Variants in XDH observed in about 807,000 individuals in gnomAD.
XDH encodes xanthine dehydrogenase, also known as xanthine dehydrogenase/oxidase.
Under a neutral mutation model 156.1 loss-of-function variants are expected in XDH, and 138 were observed. The ratio of observed to expected loss-of-function variants is 0.88; its 90% confidence interval spans 0.77 to 1.02. The LOEUF (loss-of-function observed/expected upper bound fraction) is 1.02, where lower values mean the gene tolerates loss of function less well. Among genes scored for constraint, XDH ranks in the 50% least tolerant of loss-of-function variants. XDH has a pLI of 0.00. For missense variants in XDH, 1,849 were observed against 1,684.9 expected (o/e 1.10, Z -1.71); for synonymous variants, 669 against 625.7 (o/e 1.07, Z -1.03).
chr2:31,348,957 CCT>C lies in XDH; in HGVS notation c.2991_2992del (p.Gly998IlefsTer40). 1 of 1,613,486 alleles carries C rather than the reference CCT, an allele frequency of 6.2e-7. No homozygotes were observed. Among genetic ancestry groups the C allele is most frequent in the Non-Finnish European group, 8.5e-7 (1 of 1,179,356 alleles). On this transcript the variant is annotated frameshift_variant, in exon 27 of 36. Transcript: ENST00000379416. LOFTEE classifies it high-confidence loss of function. ...AAACTTGGTGGGAATTATGCACAAT[CCT>C]CTCTTTTTCCAACAATTCTCCCTAG...
intron 16 of XDH, among the ~76,000 whole-genome samples, chr2:31,373,605 T>C (rs1462043419): frequency 6.6e-6 from 1 of 151,708 alleles, no homozygotes; most frequent in African/African-American, 2.4e-5. Context: ...TTGTACATTA[T>C]CCATCACGTA....
Position 31,369,193 on chromosome 2 carries a change from A to C in XDH, c.1981-533T>G, listed in dbSNP as rs564534809. Among the ~76,000 whole-genome samples, 4 of 152,262 alleles carry C rather than the reference A, an allele frequency of 2.6e-5. 1 individual carries two copies. The South Asian group carries it at 8.3e-4, about 32-fold the overall frequency. On this transcript the variant is annotated intron_variant, in intron 18 of 35. Coordinates refer to ENST00000379416, the MANE Select transcript of XDH (RefSeq NM_000379.4). ...AAGGCTGTAAAGGCTGTAAGCATCA[A>C]TATAAGGCCTGTAAGACACGTACTT... is the stretch of plus-strand genomic sequence containing the variant.
In XDH at chr2:31,367,947, T is replaced by C. The variant is rs777782748; in HGVS notation, c.2197+14A>G. 2 of 1,613,972 alleles carry C rather than the reference T, an allele frequency of 1.2e-6. No homozygotes were observed. Among genetic ancestry groups the C allele is most frequent in the South Asian group, 2.2e-5 (2 of 91,090 alleles). ...GGGCCACCCCATTCCCACTGCGGCA[T>C]GGAACAGCTCTACCTGACACAACAT... On this transcript the variant is annotated intron_variant, in intron 20 of 35. Transcript: ENST00000379416.
chr2:31,396,959 C>T (rs945809073), intron 6 of XDH, among the ~76,000 whole-genome samples: 21 of 152,116 alleles, frequency 1.4e-4, no homozygotes, highest in African/African-American at 5.1e-4. Flanking sequence ...TCTGTAACTC[C>T]CCTGGACCCA....
intron 24 of XDH, among the ~76,000 whole-genome samples, chr2:31,360,391 C>T (rs10170372): frequency 0.39 from 58,978 of 151,922 alleles, 13,717 homozygotes; most frequent in Non-Finnish European, 0.51. Context: ...ATCCCAGCTA[C>T]TTGGGAGGCT....
intron 2 of XDH, among the ~76,000 whole-genome samples, chr2:31,403,783 T>C (rs181105839): frequency 3.2e-4 from 48 of 152,278 alleles, no homozygotes; most frequent in Non-Finnish European, 6.8e-4. Flanking sequence ...TCTGCTACTT[T>C]GAGTTTTAAA....
intron 1 of XDH, among the ~76,000 whole-genome samples, chr2:31,409,025 A>G (rs906838061): frequency 6.6e-6 from 1 of 152,238 alleles, no homozygotes; most frequent in African/African-American, 2.4e-5. Flanking sequence ...ACGTTAAGTG[A>G]AATAAGTCAG....
intron 17 of XDH, among the ~76,000 whole-genome samples, chr2:31,371,376 G>A (rs1431331912): frequency 6.6e-6 from 1 of 152,190 alleles, no homozygotes; most frequent in African/African-American, 2.4e-5. Context: ...TTTTTCCAAA[G>A]TCACTAAGCC....
chr2:31,336,286 C>T (rs1211549705), intron 35 of XDH, among the ~76,000 whole-genome samples: 1 of 152,200 alleles, frequency 6.6e-6, no homozygotes, highest in African/African-American at 2.4e-5. Flanking sequence ...AACTCACAGT[C>T]CTTAAAAAGT....
chr2:31,380,337 T>C (rs996159278), intron 12 of XDH, among the ~76,000 whole-genome samples: 13 of 152,182 alleles, frequency 8.5e-5, no homozygotes, highest in African/African-American at 3.1e-4. Context: ...CTGTCCTCTG[T>C]AGGGGTTGCT....
chr2:31,375,087 A>G (rs1356193547), intron 15 of XDH, among the ~76,000 whole-genome samples: 5 of 128,278 alleles, frequency 3.9e-5, no homozygotes, highest in Non-Finnish European at 1.5e-5. Context: ...GTGCAATGGC[A>G]TGATCTTGGC....
intron 35 of XDH, 86 bp from the exon 36 acceptor site, chr2:31,336,094 G>C: frequency 7.1e-7 from 1 of 1,411,536 alleles, no homozygotes. Flanking sequence ...TCCCACCACT[G>C]CCAACCATCA....
chr2:31,355,698 C>T (rs987214372), intron 24 of XDH, among the ~76,000 whole-genome samples: 1 of 151,784 alleles, frequency 6.6e-6, no homozygotes, highest in Non-Finnish European at 1.5e-5. Context: ...GCAAGGCACA[C>T]AAAAGAATAC....
intron 24 of XDH, among the ~76,000 whole-genome samples, chr2:31,353,843 G>A (rs1362566835): frequency 6.6e-6 from 1 of 152,168 alleles, no homozygotes; most frequent in Non-Finnish European, 1.5e-5. Context: ...GCTGTTATGA[G>A]ATACCCCAAC....
Position 31,401,225 on chromosome 2 carries a change from C to G in XDH, c.301G>C (p.Val101Leu), listed in dbSNP as rs773652954. 1 of 1,614,158 alleles carries G rather than the reference C, an allele frequency of 6.2e-7. No homozygotes were observed. The highest frequency in any genetic ancestry group is 1.7e-5 in the Admixed American group (1 of 60,032). Residue 101 changes from valine (V) to leucine (L), a missense_variant, in exon 4 of 36, where the codon GTG becomes CTG. Val to Leu is a conservative substitution (Grantham distance 32). Coordinates refer to ENST00000379416, the MANE Select transcript of XDH (RefSeq NM_000379.4). ...GCTCCCTTTCCTCTGTTTACCTGCA[C>G]AGGATGCAGCCTCGTCTTGGTGCTT... ...IGSTKTRLHP[V>L]QERIAKSHGS...
intron 24 of XDH, among the ~76,000 whole-genome samples, chr2:31,353,643 A>C (rs1685548301): frequency 6.6e-6 from 1 of 152,222 alleles, no homozygotes; most frequent in Admixed American, 6.5e-5. Context: ...GACAGAGACC[A>C]AAAAGCTCAC....
intron 11 of XDH, among the ~76,000 whole-genome samples, chr2:31,382,244 G>A (rs112651231): frequency 2.9e-4 from 44 of 152,132 alleles, no homozygotes; most frequent in Non-Finnish European, 5.0e-4. Flanking sequence ...CCTGGAAATA[G>A]ATTTTAGCAG....
intron 9 of XDH, among the ~76,000 whole-genome samples, chr2:31,385,074 G>A (rs1434704712): frequency 6.6e-6 from 1 of 152,194 alleles, no homozygotes; most frequent in Non-Finnish European, 1.5e-5. Flanking sequence ...GAGCATGCAA[G>A]TGTGAAATGA....
At chr2:31,377,312 G>A in intron 13 of XDH, 75 bp from the exon 14 acceptor site, 1 of 1,553,526 alleles carries the variant, frequency 6.4e-7, no homozygotes, top group Non-Finnish European at 8.9e-7. Flanking sequence ...CAAACCACAG[G>A]GCTATGAGGT....
Sources: gnomAD v4.1 joint callset for allele counts (sites outside exome capture counted in the v4.1 genomes callset) on GRCh38, gnomAD v4.1.1 for gene constraint, MANE v1.5 for transcripts, NCBI Gene and HGNC (gene_info 2026-07-23, HGNC 2026-07-21) for gene names.